The following FBXL17 variants were observed in gnomAD, a reference collection of about 807,000 sequenced individuals.
The protein encoded by FBXL17 is F-box and leucine rich repeat protein 17.
Under a neutral mutation model 66.2 loss-of-function variants are expected in FBXL17, and 22 were observed. The ratio of observed to expected loss-of-function variants is 0.33; its 90% CI spans 0.24 to 0.47. The LOEUF is 0.47. Ranked by LOEUF, FBXL17 falls within the 20% of genes least tolerant of loss-of-function variation. The pLI, the probability that FBXL17 is intolerant of heterozygous loss-of-function variation, is 1.00. For missense variants in FBXL17, 878 were observed against 948.2 expected, an observed-to-expected ratio of 0.93 and a Z score of 0.97; for synonymous variants, 474 against 400.5, an observed-to-expected ratio of 1.18 and a Z score of -2.19.
chr5:107,906,284 T>C (rs1249291709), intron 7 of FBXL17, among the ~76,000 whole-genome samples: 5 of 152,116 alleles, frequency 3.3e-5, no homozygotes, highest in African/African-American at 4.8e-5. Context: ...CCAGTATTTA[T>C]TACTTTAAGC....
At chr5:108,370,071 C>T (rs1748924628) in intron 1 of FBXL17, among the ~76,000 whole-genome samples, 1 of 152,064 alleles carries the variant, frequency 6.6e-6, no homozygotes. Flanking sequence ...ACATGCACAC[C>T]TTATACAAAA....
intron 4 of FBXL17, among the ~76,000 whole-genome samples, chr5:108,347,086 G>A (rs962825827): frequency 4.6e-5 from 7 of 152,118 alleles, no homozygotes; most frequent in Admixed American, 2.6e-4. Flanking sequence ...ACAGGAAAAT[G>A]TTATGAGAAA....
intron 4 of FBXL17, among the ~76,000 whole-genome samples, chr5:108,276,891 A>G (rs961130176): frequency 6.6e-6 from 1 of 152,228 alleles, no homozygotes; most frequent in African/African-American, 2.4e-5. Context: ...ACCATAAAAC[A>G]TAAGCCAATG....
At chr5:107,872,388 T>C (rs1044144819) in intron 8 of FBXL17, among the ~76,000 whole-genome samples, 1 of 152,236 alleles carries the variant, frequency 6.6e-6, no homozygotes, top group Non-Finnish European at 1.5e-5. Context: ...CTAGGTACTT[T>C]TTACAATCCA....
intron 4 of FBXL17, among the ~76,000 whole-genome samples, chr5:108,290,369 T>C (rs892173030): frequency 2.0e-5 from 3 of 152,122 alleles, no homozygotes; most frequent in African/African-American, 4.8e-5. Flanking sequence ...ACTGTTCCAT[T>C]AGTTGTTTTT....
intron 4 of FBXL17, among the ~76,000 whole-genome samples, chr5:108,297,292 T>C (rs1440127794): frequency 6.6e-6 from 1 of 151,716 alleles, no homozygotes; most frequent in East Asian, 1.9e-4. Flanking sequence ...TTCTGGTGAA[T>C]TTTATGAGAA....
intron 6 of FBXL17, among the ~76,000 whole-genome samples, chr5:108,051,616 C>T (rs2112823993): frequency 6.6e-6 from 1 of 152,218 alleles, no homozygotes; most frequent in East Asian, 1.9e-4. Flanking sequence ...CTACTTACAA[C>T]AAACACACAG....
At chr5:108,070,219 CAT>C (rs1317886407) in intron 6 of FBXL17, among the ~76,000 whole-genome samples, 1 of 152,182 alleles carries the variant, frequency 6.6e-6, no homozygotes, top group Non-Finnish European at 1.5e-5. Flanking sequence ...GATCCACTAA[CAT>C]GTAATCTTAA....
intron 5 of FBXL17, among the ~76,000 whole-genome samples, chr5:108,220,643 C>T (rs1754821688): frequency 1.3e-5 from 2 of 152,104 alleles, no homozygotes; most frequent in African/African-American, 2.4e-5. Flanking sequence ...GCAGAATCTT[C>T]CTTTTCAATG....
chr5:108,064,030 T>G (rs1446865847), intron 6 of FBXL17, among the ~76,000 whole-genome samples: 1 of 152,160 alleles, frequency 6.6e-6, no homozygotes, highest in Non-Finnish European at 1.5e-5. Flanking sequence ...AAAAATGATG[T>G]GGTATGTTTG....
chr5:108,049,815 C>T (rs1240180451), intron 6 of FBXL17, among the ~76,000 whole-genome samples: 1 of 152,074 alleles, frequency 6.6e-6, no homozygotes, highest in Non-Finnish European at 1.5e-5. Context: ...GAGTCAAGAC[C>T]CATCAGTGGG....
intron 6 of FBXL17, among the ~76,000 whole-genome samples, chr5:108,064,648 T>C (rs2077881481): frequency 1.3e-5 from 2 of 152,222 alleles, no homozygotes; most frequent in South Asian, 4.1e-4. Context: ...TAATGTGACT[T>C]TATAATTTTA....
chr5:107,959,750 A>G (rs1422181278), intron 7 of FBXL17, among the ~76,000 whole-genome samples: 1 of 152,192 alleles, frequency 6.6e-6, no homozygotes, highest in African/African-American at 2.4e-5. Context: ...CTTGATTGAC[A>G]CAGAATAGGG....
chr5:108,174,919 C>A (rs868545273), intron 6 of FBXL17, among the ~76,000 whole-genome samples: 48 of 152,046 alleles, frequency 3.2e-4, no homozygotes, highest in African/African-American at 1.1e-3. Context: ...GAATTCTATT[C>A]CTTGTTCAAA....
At chr5:107,992,443 G>C (rs1032431919) in intron 7 of FBXL17, among the ~76,000 whole-genome samples, 19 of 152,002 alleles carry the variant, frequency 1.2e-4, no homozygotes, top group African/African-American at 3.9e-4. Context: ...CCTTGAAAAA[G>C]TCATATAAAA....
chr5:108,310,880 C>T (rs1408546342), intron 4 of FBXL17, among the ~76,000 whole-genome samples: 1 of 152,184 alleles, frequency 6.6e-6, no homozygotes, highest in Non-Finnish European at 1.5e-5. Flanking sequence ...CGAAAGTCCA[C>T]AGACAATTTT....
intron 6 of FBXL17, among the ~76,000 whole-genome samples, chr5:108,164,570 T>C (rs530980906): frequency 6.6e-6 from 1 of 152,104 alleles, no homozygotes; most frequent in African/African-American, 2.4e-5. Context: ...AACATCATTG[T>C]AGGTAGAAAT....
intron 7 of FBXL17, among the ~76,000 whole-genome samples, chr5:108,017,762 G>A (rs1036763131): frequency 6.6e-6 from 1 of 152,094 alleles, no homozygotes; most frequent in Non-Finnish European, 1.5e-5. Flanking sequence ...AATTTCCCAA[G>A]ACTGTATTTT....
At chr5:108,160,475 G>A (rs1343517004) in intron 6 of FBXL17, among the ~76,000 whole-genome samples, 1 of 152,188 alleles carries the variant, frequency 6.6e-6, no homozygotes, top group Non-Finnish European at 1.5e-5. Flanking sequence ...AAAGTTCTCA[G>A]TTAGTAGCTT....
Sources: gnomAD v4.1 joint callset for allele counts (sites outside exome capture counted in the v4.1 genomes callset) on GRCh38, gnomAD v4.1.1 for gene constraint, MANE v1.5 for transcripts, NCBI Gene and HGNC (gene_info 2026-07-23, HGNC 2026-07-21) for gene names.